DCC: variants seen among roughly 807,000 people sequenced by gnomAD.
The protein encoded by DCC is netrin receptor DCC.
In DCC, 58 loss-of-function variants were observed where a neutral mutation model predicts 172.5. The ratio of observed to expected loss-of-function variants is 0.34; its 90% CI spans 0.27 to 0.42. The LOEUF is 0.42. Ranked by LOEUF, DCC falls within the 10% of genes least tolerant of loss-of-function variation. The pLI is 1.00. For synonymous variants in DCC, 709 were observed against 644.5 expected (o/e 1.10, Z -1.52); for missense variants, 1,740 against 1,791.0 (o/e 0.97, Z 0.51).
chr18:53,501,864 G>A (rs1396939194), intron 27 of DCC, among the ~76,000 whole-genome samples: 1 of 143,634 alleles, frequency 7.0e-6, no homozygotes, highest in Non-Finnish European at 1.6e-5. Flanking sequence ...ATGGAGCAGA[G>A]AATTGGCATT....
At chr18:52,882,498 G>A (rs982437546) in intron 2 of DCC, among the ~76,000 whole-genome samples, 4 of 151,740 alleles carry the variant, frequency 2.6e-5, no homozygotes, top group African/African-American at 9.7e-5. Context: ...ATTACTGTTT[G>A]TTTCAACAAA....
chr18:52,519,886 G>T (rs1568210110), intron 1 of DCC, among the ~76,000 whole-genome samples: 1 of 152,148 alleles, frequency 6.6e-6, no homozygotes, highest in East Asian at 1.9e-4. Flanking sequence ...GAAATAGTGG[G>T]CAATGAAAAA....
chr18:53,136,667 G>A (rs1434100839), intron 7 of DCC, among the ~76,000 whole-genome samples: 1 of 151,002 alleles, frequency 6.6e-6, no homozygotes, highest in African/African-American at 2.5e-5. Context: ...GGGTTGATAA[G>A]GTATCTTGTG....
chr18:52,553,702 G>A (rs973246590), intron 1 of DCC, among the ~76,000 whole-genome samples: 2 of 152,048 alleles, frequency 1.3e-5, no homozygotes, highest in African/African-American at 4.8e-5. Context: ...AGAGCTCAAA[G>A]GGGGTCTAGA....
At chr18:52,526,640 C>T (rs1221988) in intron 1 of DCC, among the ~76,000 whole-genome samples, 47,161 of 151,798 alleles carry the variant, frequency 0.31, 7,465 homozygotes, top group African/African-American at 0.35. Flanking sequence ...TCAAAGAATT[C>T]AATGAGGTAA....
At chr18:52,902,157 C>T (rs752890907) in intron 2 of DCC, among the ~76,000 whole-genome samples, 12 of 152,112 alleles carry the variant, frequency 7.9e-5, no homozygotes, top group Non-Finnish European at 1.3e-4. Flanking sequence ...AATTGTTTTG[C>T]AGAAGTTGTG....
In DCC at chr18:53,033,896, G is replaced by A. The variant is rs140793144; in HGVS notation, c.986-29409G>A. ...CAATGACCTGTATGGTTATTTCTCAGGCCCTAACTTACTTATTAGCGATAT... is the reference window on the plus strand; with the variant it reads ...CAATGACCTGTATGGTTATTTCTCAAGCCCTAACTTACTTATTAGCGATAT... On this transcript the variant is annotated intron_variant, in intron 5 of 28. Transcript: ENST00000442544. Among the ~76,000 whole-genome samples the A allele has an allele frequency of 6.2e-3, 938 of 151,980 alleles. 9 individuals are homozygous for A. The highest frequency in any genetic ancestry group is 0.021 in the African/African-American group (885 of 41,454).
chr18:52,731,163 AGATT>A (rs2036634668), intron 1 of DCC, among the ~76,000 whole-genome samples: 1 of 152,148 alleles, frequency 6.6e-6, no homozygotes, highest in Admixed American at 6.6e-5. Flanking sequence ...CGAGTTATTG[AGATT>A]GATTGAAGCG....
rs1362701980 is a variant in DCC, at chr18:53,429,077, TATTTTATATAA to T, written c.3164-6066_3164-6056del. On this transcript the variant is annotated intron_variant, in intron 21 of 28. Coordinates refer to ENST00000442544, the MANE Select transcript of DCC (RefSeq NM_005215.4). Reference sequence around the variant, plus strand: ...TATTATATATTTTATATATAATATATATTTTATATAATATATATTTTATATATAATATATAT... The same window carrying T: ...TATTATATATTTTATATATAATATATTATATATTTTATATATAATATATAT... 2.1e-5 allele frequency among the ~76,000 whole-genome samples: 2 copies of T among 93,150 alleles called. 1 individual carries two copies. Among genetic ancestry groups the T allele is most frequent in the African/African-American group, 7.3e-5 (2 of 27,438 alleles). 61.1% of individuals were successfully genotyped at this position (93,150 alleles called of 152,430 possible). A position where few individuals can be genotyped will look rare whatever the true frequency, so the allele number is the denominator to read the frequency against.
intron 24 of DCC, among the ~76,000 whole-genome samples, chr18:53,467,096 C>A (rs1033843099): frequency 4.6e-5 from 7 of 152,070 alleles, no homozygotes; most frequent in Non-Finnish European, 1.0e-4. Context: ...AATTCCTAAT[C>A]CCTTTCGCAA....
intron 1 of DCC, among the ~76,000 whole-genome samples, chr18:52,699,326 G>A (rs1012556827): frequency 6.6e-6 from 1 of 152,058 alleles, no homozygotes; most frequent in Admixed American, 6.6e-5. Flanking sequence ...GCTAGGGGTG[G>A]TCTCATGCTA....
At chr18:52,662,943 T>G (rs1417388389) in intron 1 of DCC, among the ~76,000 whole-genome samples, 2 of 152,148 alleles carry the variant, frequency 1.3e-5, no homozygotes, top group Non-Finnish European at 2.9e-5. Flanking sequence ...GGCTCCACAA[T>G]GATGACCCAA....
chr18:52,820,915 C>G (rs1200194113), intron 2 of DCC, among the ~76,000 whole-genome samples: 3 of 152,120 alleles, frequency 2.0e-5, no homozygotes, highest in Non-Finnish European at 4.4e-5. Context: ...CTCCACCTTC[C>G]CTGAACTCTG....
At position 52,411,939 on chromosome 18, in the gene DCC, G is replaced by A. The variant is rs375787609; in HGVS notation, c.91+71061G>A. On this transcript the variant is annotated intron_variant, in intron 1 of 28. Coordinates refer to ENST00000442544, the MANE Select transcript of DCC (RefSeq NM_005215.4). ...AAATATTCCATGCATCTCAGCCCAC[G>A]TTCAAAGTGCCTCATTAGCTTGGAA... 1.2e-4 allele frequency among the ~76,000 whole-genome samples: 19 copies of A among 152,134 alleles called. No homozygotes were observed. The East Asian group carries it at 2.5e-3, about 20-fold the overall frequency.
chr18:52,918,531 T>G (rs774156112), intron 3 of DCC, among the ~76,000 whole-genome samples: 2 of 152,166 alleles, frequency 1.3e-5, no homozygotes, highest in Non-Finnish European at 2.9e-5. Flanking sequence ...CTACACACTT[T>G]GCAATACTAG....
intron 1 of DCC, among the ~76,000 whole-genome samples, chr18:52,474,206 T>TAGAGAGAGAGACAGAG (rs1491448947): frequency 2.3e-4 from 23 of 100,720 alleles, no homozygotes; most frequent in Admixed American, 7.9e-4. Flanking sequence ...GTAACAGACC[T>TAGAGAGAGAGACAGAG]AGAGAGAGAG....
chr18:53,067,336 C>T (rs1300429588), intron 7 of DCC, among the ~76,000 whole-genome samples: 2 of 151,890 alleles, frequency 1.3e-5, no homozygotes, highest in East Asian at 3.9e-4. Context: ...ATCTGGACAA[C>T]ATGGCAAGAC....
At chr18:52,381,081 G>T (rs932939134) in intron 1 of DCC, among the ~76,000 whole-genome samples, 2 of 152,124 alleles carry the variant, frequency 1.3e-5, no homozygotes, top group East Asian at 1.9e-4. Flanking sequence ...CAAGGAAAAA[G>T]GGGGGCACTA....
chr18:53,316,344 T>C (rs1002254806), intron 13 of DCC, among the ~76,000 whole-genome samples: 1 of 152,202 alleles, frequency 6.6e-6, no homozygotes, highest in African/African-American at 2.4e-5. Context: ...CCATGCTGTT[T>C]TGTTTACGGT....
Sources: allele counts gnomAD v4.1 joint callset (sites outside exome capture counted in the v4.1 genomes callset), GRCh38; gene constraint gnomAD v4.1.1; transcripts MANE v1.5; gene names NCBI Gene and HGNC (gene_info 2026-07-23, HGNC 2026-07-21).